Variants in SEPTIN9 observed in about 807,000 individuals in gnomAD.
SEPTIN9 encodes septin 9, also known as septin-9.
In SEPTIN9, 13 loss-of-function variants were observed where a neutral mutation model predicts 56.6. That is an observed-to-expected ratio of 0.23 (90% CI 0.15 to 0.37). SEPTIN9 has a LOEUF of 0.37. Ranked by LOEUF, SEPTIN9 falls within the 10% of genes least tolerant of loss-of-function variation. The pLI is 1.00. For missense variants in SEPTIN9, 650 were observed against 823.1 expected, an observed-to-expected ratio of 0.79 and a Z score of 2.57; for synonymous variants, 332 against 334.1, an observed-to-expected ratio of 0.99 and a Z score of 0.07.
Position 77,497,381 on chromosome 17 carries a change from G to T in SEPTIN9, c.1625+15G>T, listed in dbSNP as rs1292621020. ...CTTCTCATCAGGTGAGAGACAGGGTGCTTGGGTGGGGCTGACGGCTTCACC... is the reference window on the plus strand; with the variant it reads ...CTTCTCATCAGGTGAGAGACAGGGTTCTTGGGTGGGGCTGACGGCTTCACC... On this transcript the variant is annotated intron_variant, in intron 11 of 11. Coordinates refer to ENST00000427177, the MANE Select transcript of SEPTIN9 (RefSeq NM_001113491.2). 3 of 1,612,780 alleles carry T rather than the reference G, an allele frequency of 1.9e-6. No homozygotes were observed. The Admixed American group carries it at 5.0e-5, about 27-fold the overall frequency.
intron 2 of SEPTIN9, among the ~76,000 whole-genome samples, chr17:77,309,204 G>A (rs1410532103): frequency 2.0e-5 from 3 of 152,242 alleles, no homozygotes; most frequent in Non-Finnish European, 2.9e-5. Context: ...AGCCTCCCCC[G>A]GCGGTTGCTT....
intron 3 of SEPTIN9, among the ~76,000 whole-genome samples, chr17:77,419,512 T>C (rs1338292355): frequency 6.6e-6 from 1 of 152,094 alleles, no homozygotes; most frequent in Non-Finnish European, 1.5e-5. Flanking sequence ...CCCAGCGCTG[T>C]ACCTGCGACC....
chr17:77,312,124 T>G (rs1222397907), intron 2 of SEPTIN9, among the ~76,000 whole-genome samples: 1 of 152,132 alleles, frequency 6.6e-6, no homozygotes, highest in African/African-American at 2.4e-5. Context: ...TGGGCCTCCA[T>G]CATCCCTCCT....
chr17:77,420,631 C>T (rs989657102), intron 3 of SEPTIN9, among the ~76,000 whole-genome samples: 12 of 152,132 alleles, frequency 7.9e-5, no homozygotes, highest in African/African-American at 2.7e-4. Flanking sequence ...ACTTCCCTGC[C>T]GGCCGTTCCT....
intron 2 of SEPTIN9, among the ~76,000 whole-genome samples, chr17:77,332,501 A>C (rs796249676): frequency 1.6e-4 from 25 of 152,326 alleles, no homozygotes; most frequent in African/African-American, 5.5e-4. Flanking sequence ...CATTAACTAG[A>C]GTCCGGCATT....
intron 1 of SEPTIN9, among the ~76,000 whole-genome samples, chr17:77,283,174 TTTTTA>T (rs1302076309): frequency 6.6e-6 from 1 of 150,688 alleles, no homozygotes; most frequent in African/African-American, 2.4e-5. Flanking sequence ...TTTTTTTTTT[TTTTTA>T]AAAAAAAGGA....
chr17:77,460,173 T>C (rs1008750690), intron 3 of SEPTIN9, among the ~76,000 whole-genome samples: 1 of 151,442 alleles, frequency 6.6e-6, no homozygotes, highest in African/African-American at 2.4e-5. Flanking sequence ...TCTCTGTGCG[T>C]GCGTCAGTTT....
At chr17:77,334,219 A>G (rs951908737) in intron 2 of SEPTIN9, among the ~76,000 whole-genome samples, 3 of 151,808 alleles carry the variant, frequency 2.0e-5, no homozygotes, top group Non-Finnish European at 4.4e-5. Flanking sequence ...TCAGGAGATC[A>G]AGACCATCCT....
chr17:77,486,537 CGT>C (rs1178921571), intron 4 of SEPTIN9, among the ~76,000 whole-genome samples: 24 of 127,240 alleles, frequency 1.9e-4, no homozygotes, highest in African/African-American at 3.9e-4. Context: ...CACGCGCGCG[CGT>C]GTTATATGTG....
At chr17:77,399,121 G>T (rs2035820705) in intron 2 of SEPTIN9, among the ~76,000 whole-genome samples, 1 of 152,214 alleles carries the variant, frequency 6.6e-6, no homozygotes. Flanking sequence ...ATCCGCTTGT[G>T]CACGTGGGCC....
chr17:77,490,008 G>A (rs2039956171), intron 7 of SEPTIN9, among the ~76,000 whole-genome samples: 1 of 152,230 alleles, frequency 6.6e-6, no homozygotes, highest in Non-Finnish European at 1.5e-5. Context: ...TGGCACTTCT[G>A]CCACTCCCCA....
intron 1 of SEPTIN9, among the ~76,000 whole-genome samples, chr17:77,282,310 TC>T (rs1369991755): frequency 3.3e-5 from 5 of 152,182 alleles, no homozygotes; most frequent in African/African-American, 1.2e-4. Flanking sequence ...CTTTTTTTTT[TC>T]CTTTGTGGTT....
intron 1 of SEPTIN9, among the ~76,000 whole-genome samples, chr17:77,305,003 G>A (rs192337146): frequency 1.3e-3 from 196 of 152,128 alleles, no homozygotes; most frequent in Admixed American, 1.9e-3. Context: ...GCAGCCCACC[G>A]GAGCTGCACT....
intron 2 of SEPTIN9, among the ~76,000 whole-genome samples, chr17:77,353,412 A>T (rs909124073): frequency 6.6e-6 from 1 of 152,126 alleles, no homozygotes; most frequent in Non-Finnish European, 1.5e-5. Flanking sequence ...TTACAGAAAG[A>T]GGTGTTTTTC....
At position 77,371,281 on chromosome 17, in the gene SEPTIN9, G is replaced by A. The variant is rs968474353; in HGVS notation, c.77-30778G>A. ...ACTTTCTGGCTGCTCTCCTGCCATT[G>A]TCCCTTGGGTTCCCATTTTGGTGAG... is the stretch of plus-strand genomic sequence containing the variant. On this transcript the variant is annotated intron_variant, in intron 2 of 11. Transcript: ENST00000427177. This position sits in a 1 kb window ranked among gnomAD's most constrained non-coding sequence, Gnocchi z 4.1. Among the ~76,000 whole-genome samples the A allele has an allele frequency of 6.6e-6, 1 of 152,224 alleles. No individual in the cohort carries two copies. Among genetic ancestry groups the A allele is most frequent in the African/African-American group, 2.4e-5 (1 of 41,448 alleles).
At chr17:77,488,640 G>T in intron 6 of SEPTIN9, 87 bp from the exon 7 acceptor site, 1 of 1,552,072 alleles carries the variant, frequency 6.4e-7, no homozygotes, top group Non-Finnish European at 8.8e-7. Flanking sequence ...GGAAGGTGGG[G>T]TGTTGGGCTC....
intron 2 of SEPTIN9, among the ~76,000 whole-genome samples, chr17:77,347,653 A>G (rs1442251544): frequency 6.6e-6 from 1 of 151,894 alleles, no homozygotes; most frequent in Non-Finnish European, 1.5e-5. Context: ...AGAAGGCTGG[A>G]GAGGCTTATG....
intron 3 of SEPTIN9, among the ~76,000 whole-genome samples, chr17:77,473,567 G>GTGTC (rs1051267094): frequency 6.6e-6 from 1 of 152,076 alleles, no homozygotes; most frequent in African/African-American, 2.4e-5. Flanking sequence ...AAATACGTGT[G>GTGTC]TGTCTGTCTG....
chr17:77,351,057 T>C (rs2034046020), intron 2 of SEPTIN9, among the ~76,000 whole-genome samples: 1 of 151,528 alleles, frequency 6.6e-6, no homozygotes, highest in African/African-American at 2.4e-5. Flanking sequence ...GTGTGCTGAG[T>C]GTGTATATGT....
Sources: allele counts gnomAD v4.1 joint callset (sites outside exome capture counted in the v4.1 genomes callset), GRCh38; gene constraint gnomAD v4.1.1; non-coding constraint Gnocchi (gnomAD v3.1); transcripts MANE v1.5; gene names NCBI Gene and HGNC (gene_info 2026-07-23, HGNC 2026-07-21).